CCNL1: variants seen among roughly 807,000 people sequenced by gnomAD.
The protein encoded by CCNL1 is cyclin-L1.
In CCNL1, 13 loss-of-function variants were observed where a neutral mutation model predicts 60.6. The observed-to-expected ratio is 0.21, with a 90% CI of 0.14 to 0.34. The LOEUF (loss-of-function observed/expected upper bound fraction) is 0.34. Among genes scored for constraint, CCNL1 ranks in the 10% least tolerant of loss-of-function variants. CCNL1 has a pLI of 1.00. For synonymous variants in CCNL1, 270 were observed against 244.3 expected (o/e 1.10, Z -0.98); for missense variants, 481 against 664.3 (o/e 0.72, Z 3.03).
intron 5 of CCNL1, chr3:157,151,341 A>C (rs1013620219): frequency 1.0e-6 from 1 of 985,836 alleles, no homozygotes; most frequent in South Asian, 4.7e-5. Context: ...GCTGAACCAC[A>C]AACTCCTTGG....
At chr3:157,150,686 A>C in intron 5 of CCNL1, 1 of 1,068,848 alleles carries the variant, frequency 9.4e-7, no homozygotes. Context: ...ATGCTTTTCA[A>C]AGTCAATTCT....
Position 157,159,457 on chromosome 3 carries a change from AC to A in CCNL1, c.325del (p.Val109CysfsTer38), listed in dbSNP as rs1738889828. On this transcript the variant is annotated frameshift_variant, in exon 2 of 11. Coordinates refer to ENST00000295926, the MANE Select transcript of CCNL1 (RefSeq NM_020307.4). LOFTEE classifies it high-confidence loss of function. ...LPQVAMATGQ[V>X]LFHRFFYSKS... The stretch of plus-strand genomic sequence containing the variant: ...GGAGTAGAAAAAACGATGAAACAAC[AC>A]CTGCCCCGTTGCCATCGCCACCTGC... 6.2e-7 allele frequency: 1 copy of A among 1,613,546 alleles called. No homozygotes were observed. Among genetic ancestry groups the A allele is most frequent in the Non-Finnish European group, 8.5e-7 (1 of 1,179,898 alleles).
intron 5 of CCNL1, chr3:157,151,593 T>C (rs1345518845): frequency 2.0e-6 from 2 of 987,516 alleles, no homozygotes; most frequent in Non-Finnish European, 2.4e-6. Context: ...CTATACACAC[T>C]AAAAATAAAA....
In CCNL1 at chr3:157,153,204, A is replaced by G. The variant is rs766796173; in HGVS notation, c.489-48T>C. 9 of 1,572,568 alleles carry G rather than the reference A, an allele frequency of 5.7e-6. No individual in the cohort carries two copies. In the East Asian group the frequency reaches 6.8e-5, roughly 12 times the overall value. ...TCAAAACTGTTTTGCACATCCAAAA[A>G]ATTTTATTTGTGGCATCTCCATTTT... is the stretch of plus-strand genomic sequence containing the variant. On this transcript the variant is annotated intron_variant, in intron 3 of 10. Transcript: ENST00000295926.
intron 3 of CCNL1, among the ~76,000 whole-genome samples, chr3:157,157,804 G>C (rs986991112): frequency 6.6e-6 from 1 of 152,162 alleles, no homozygotes; most frequent in East Asian, 1.9e-4. Flanking sequence ...TCACAGAATA[G>C]ACTAGTCATC....
At chr3:157,157,575 A>C (rs1407757894) in intron 3 of CCNL1, among the ~76,000 whole-genome samples, 1 of 151,832 alleles carries the variant, frequency 6.6e-6, no homozygotes, top group Admixed American at 6.5e-5. Context: ...ATCTAAATAC[A>C]GATTTAACCT....
Position 157,148,488 on chromosome 3 carries a change from G to C in CCNL1, c.1334C>G (p.Ser445Cys). 6.2e-7 allele frequency: 1 copy of C among 1,614,132 alleles called. No homozygotes were observed. Among genetic ancestry groups the C allele is most frequent in the African/African-American group, 1.3e-5 (1 of 75,024 alleles). The part of the protein sequence containing the change: ...ESPRRHHNHG[S>C]PHLKAKHTRD... ...GGTATGCTTGGCCTTAAGGTGAGGA[G>C]AACCATGATTATGATGTCTTCGAGG... Residue 445 changes from serine to cysteine, a missense_variant, in exon 11 of 11, where the codon TCT becomes TGT. Around this residue, in one of 5 missense-constraint regions of CCNL1, gnomAD observed 197 missense variants for 233.9 expected, o/e 0.84. Transcript: ENST00000295926.
chr3:157,144,892 C>G (rs914077484), downstream of CCNL1, among the ~76,000 whole-genome samples: 4 of 152,150 alleles, frequency 2.6e-5, no homozygotes, highest in Non-Finnish European at 5.9e-5. Flanking sequence ...TTTTTGGAAA[C>G]TCTCATGAAA....
chr3:157,158,680 GTTAA>G (rs1420055283), intron 3 of CCNL1, 182 bp downstream of exon 3: 7 of 481,706 alleles, frequency 1.5e-5, no homozygotes, highest in South Asian at 2.4e-5. Context: ...TAGATAACCG[GTTAA>G]TTATGTTTCT....
In CCNL1 at chr3:157,149,606, G is replaced by C. The variant is rs780780623; in HGVS notation, c.1022-10C>G. ...ACTTCTCTTGGTGATGCTTTTAAAA[G>C]ATATAATAACAACATGTTAACTACT... On this transcript the variant is annotated splice_polypyrimidine_tract_variant and intron_variant, in intron 8 of 10. Transcript: ENST00000295926. 4 of 1,606,596 alleles carry C rather than the reference G, an allele frequency of 2.5e-6. No homozygotes were observed. Among genetic ancestry groups the C allele is most frequent in the South Asian group, 1.1e-5 (1 of 90,508 alleles).
intron 8 of CCNL1, 30 bp downstream of exon 8, chr3:157,149,806 C>G: frequency 6.2e-7 from 1 of 1,601,778 alleles, no homozygotes; most frequent in Non-Finnish European, 8.5e-7. Context: ...TCAGTGCCCC[C>G]AAGTCATTTT....
chr3:157,148,999 T>TAA (rs111766647), intron 10 of CCNL1: 73 of 286,126 alleles, frequency 2.6e-4, no homozygotes, highest in Middle Eastern at 2.1e-3. Flanking sequence ...TAACTGAAAT[T>TAA]AAAAAAAAAA....
At chr3:157,151,444 CTCTT>C (rs986554830) in intron 5 of CCNL1, 1 of 985,692 alleles carries the variant, frequency 1.0e-6, no homozygotes, top group African/African-American at 1.7e-5. Context: ...ATAGTAACAT[CTCTT>C]TTAAAAATGA....
intron 2 of CCNL1, 55 bp downstream of exon 2, chr3:157,159,350 A>G: frequency 2.6e-6 from 4 of 1,534,620 alleles, no homozygotes; most frequent in Non-Finnish European, 1.8e-6. Context: ...CACTACCCCT[A>G]CTCTGCCCAT....
chr3:157,148,815 A>G (rs1271831052), intron 10 of CCNL1: 2 of 521,152 alleles, frequency 3.8e-6, no homozygotes, highest in Non-Finnish European at 6.7e-6. Flanking sequence ...AGTAATTAGC[A>G]ATTTTTATAG....
At position 157,148,535 on chromosome 3, in the gene CCNL1, C is replaced by G; in HGVS notation, c.1287G>C (p.Arg429Ser). 1 of 1,614,106 alleles carries G rather than the reference C, an allele frequency of 6.2e-7. No homozygotes were observed. Among genetic ancestry groups the G allele is most frequent in the East Asian group, 2.2e-5 (1 of 44,888 alleles). ...SGTYSSRSRS[R>S]SRSHSESPRR... ...GAGGGCTTTCACTGTGACTGCGGGA[C>G]CTGCTTCTTGATCTCGAGCTGTATG... The change falls in exon 11 of 11, where the codon AGG (arginine) becomes AGC (serine). Residue 429 changes from arginine to serine, a missense_variant. By Grantham distance (110) the Arg-to-Ser change is moderately radical. Coordinates refer to ENST00000295926, the MANE Select transcript of CCNL1 (RefSeq NM_020307.4).
intron 5 of CCNL1, chr3:157,151,523 T>C (rs138417539): frequency 2.0e-6 from 2 of 985,918 alleles, no homozygotes; most frequent in East Asian, 1.1e-4. Flanking sequence ...ATTAAGCCAG[T>C]GTGGGAACTG....
At chr3:157,154,174 TATA>T (rs1738412560) in intron 3 of CCNL1, 1 of 152,228 alleles carries the variant, frequency 6.6e-6, no homozygotes, top group South Asian at 2.1e-4. Context: ...TTTAAAAACT[TATA>T]ATAAAAGACA....
downstream of CCNL1, among the ~76,000 whole-genome samples, chr3:157,146,898 A>G (rs1051093672): frequency 6.6e-6 from 1 of 152,202 alleles, no homozygotes; most frequent in African/African-American, 2.4e-5. Context: ...AGTTAGAACT[A>G]TAACTGATTT....
Sources: allele counts gnomAD v4.1 joint callset (sites outside exome capture counted in the v4.1 genomes callset), GRCh38; gene constraint gnomAD v4.1.1; regional missense constraint gnomAD v4.1.1; transcripts MANE v1.5; gene names NCBI Gene and HGNC (gene_info 2026-07-23, HGNC 2026-07-21).